The following DENND2A variants were observed in gnomAD, a reference collection of about 807,000 sequenced individuals.
The protein encoded by DENND2A is DENN domain containing 2A.
DENND2A carries 53 observed loss-of-function variants against 105.3 expected under a neutral mutation model. That is an observed-to-expected ratio of 0.50 (90% confidence interval 0.40 to 0.63). The LOEUF (loss-of-function observed/expected upper bound fraction) is 0.63, where lower values mean the gene tolerates loss of function less well. Among genes scored for constraint, DENND2A ranks in the 30% least tolerant of loss-of-function variants. The pLI is 0.00. For synonymous variants in DENND2A, 522 were observed against 508.4 expected, an observed-to-expected ratio of 1.03 and a Z score of -0.36; for missense variants, 1,138 against 1,279.6, an observed-to-expected ratio of 0.89 and a Z score of 1.69.
chr7:140,585,498 C>A, intron 5 of DENND2A, 91 bp downstream of exon 5: 1 of 1,568,608 alleles, frequency 6.4e-7, no homozygotes, highest in South Asian at 1.2e-5. Flanking sequence ...TGGAGGTGGC[C>A]TGGAATTCCA....
chr7:140,613,683 CA>C (rs1233692664), intron 1 of DENND2A, among the ~76,000 whole-genome samples: 2 of 72,880 alleles, frequency 2.7e-5, no homozygotes, highest in Admixed American at 1.3e-4. Context: ...AAAAAAAAAA[CA>C]AACAAAAAAC....
At chr7:140,577,542 C>A (rs1031717278) in intron 5 of DENND2A, among the ~76,000 whole-genome samples, 3 of 151,876 alleles carry the variant, frequency 2.0e-5, no homozygotes, top group Admixed American at 1.3e-4. Context: ...GGATTACAGG[C>A]GAGTGCCACC....
At chr7:140,617,242 G>C (rs1051873133) in intron 1 of DENND2A, among the ~76,000 whole-genome samples, 1 of 152,354 alleles carries the variant, frequency 6.6e-6, no homozygotes, top group Non-Finnish European at 1.5e-5. Flanking sequence ...CACAAAGTGC[G>C]TGCACCTTTT....
At chr7:140,552,761 A>G (rs1797190236) in intron 12 of DENND2A, among the ~76,000 whole-genome samples, 1 of 152,100 alleles carries the variant, frequency 6.6e-6, no homozygotes, top group African/African-American at 2.4e-5. Flanking sequence ...GCTGGAGTGC[A>G]GTGATACGAT....
intron 1 of DENND2A, among the ~76,000 whole-genome samples, chr7:140,629,079 C>T (rs539297920): frequency 3.5e-4 from 53 of 152,242 alleles, no homozygotes; most frequent in African/African-American, 1.2e-3. Context: ...ATGCCTGACA[C>T]GCCCTTAAAC....
intron 14 of DENND2A, among the ~76,000 whole-genome samples, chr7:140,537,642 A>T (rs1585575786): frequency 6.6e-6 from 1 of 151,198 alleles, no homozygotes; most frequent in Middle Eastern, 3.4e-3. Flanking sequence ...TTTGTCCCCT[A>T]TTAAGGTGTT....
intron 3 of DENND2A, among the ~76,000 whole-genome samples, chr7:140,591,694 C>CT (rs1799033050): frequency 1.1e-5 from 1 of 94,394 alleles, no homozygotes; most frequent in African/African-American, 5.7e-5. Context: ...TCTTTCTTTC[C>CT]TTCCTTCCTT....
intron 3 of DENND2A, among the ~76,000 whole-genome samples, chr7:140,592,043 CT>C (rs541459225): frequency 0.022 from 2,382 of 107,318 alleles, 58 homozygotes; most frequent in African/African-American, 0.054. Context: ...TTTTCTTCTT[CT>C]TTTTTTTTTT....
Position 140,518,711 on chromosome 7 carries a change from T to C in DENND2A, c.3026A>G (p.Lys1009Arg). 6.2e-7 allele frequency: 1 copy of C among 1,613,728 alleles called. No homozygotes were observed. Among genetic ancestry groups the C allele is most frequent in the Non-Finnish European group, 8.5e-7 (1 of 1,179,632 alleles). Residue 1009 changes from lysine (K) to arginine (R), a missense_variant, in exon 20 of 20, where the codon AAA becomes AGA. Lys to Arg is a conservative substitution (Grantham distance 26). Transcript: ENST00000496613. ...LGNKMKFLHK[K>R] Reference sequence around the variant, plus strand: ...GTTTTCCCTTGAGGCTGAGAGTTATTTCTTGTGGAGAAATTTCATTTTATT... The same window carrying C: ...GTTTTCCCTTGAGGCTGAGAGTTATCTCTTGTGGAGAAATTTCATTTTATT...
At chr7:140,592,533 C>T (rs1238549388) in intron 3 of DENND2A, among the ~76,000 whole-genome samples, 1 of 151,268 alleles carries the variant, frequency 6.6e-6, no homozygotes, top group Admixed American at 6.6e-5. Flanking sequence ...TTAGTAGAGA[C>T]AGGGTTTTGC....
At chr7:140,606,780 G>A (rs1412039382) in intron 1 of DENND2A, among the ~76,000 whole-genome samples, 3 of 152,148 alleles carry the variant, frequency 2.0e-5, no homozygotes, top group African/African-American at 7.2e-5. Flanking sequence ...GGCCTGTGTG[G>A]ATACCAAGGC....
At position 140,528,285 on chromosome 7, in the gene DENND2A, C is replaced by T. The variant is rs373489944; in HGVS notation, c.2328-790G>A. Among the ~76,000 whole-genome samples the T allele has an allele frequency of 3.3e-5, 5 of 152,186 alleles. No individual in the cohort carries two copies. The East Asian group carries it at 9.6e-4, about 29-fold the overall frequency. On this transcript the variant is annotated intron_variant, in intron 14 of 19. Transcript: ENST00000496613. ...GATCTGAAGATGCTTTCTATTGAAA[C>T]ACTGTAGCTTTTGCTTTGTTCTGTT...
chr7:140,532,930 T>C (rs1322473336), intron 14 of DENND2A, among the ~76,000 whole-genome samples: 1 of 150,048 alleles, frequency 6.7e-6, no homozygotes, highest in Non-Finnish European at 1.5e-5. Context: ...ATCATTGCAA[T>C]AGAAAAACAA....
chr7:140,539,472 G>A (rs902171665), intron 14 of DENND2A, among the ~76,000 whole-genome samples: 1 of 152,186 alleles, frequency 6.6e-6, no homozygotes, highest in Non-Finnish European at 1.5e-5. Flanking sequence ...CTGAGGGCCT[G>A]TGCTAGGGAG....
intron 12 of DENND2A, among the ~76,000 whole-genome samples, chr7:140,553,650 C>T (rs908618543): frequency 1.3e-5 from 2 of 152,172 alleles, no homozygotes; most frequent in African/African-American, 2.4e-5. Context: ...TGCGGCCTTC[C>T]GCAGTGTTTG....
intron 3 of DENND2A, among the ~76,000 whole-genome samples, chr7:140,593,991 T>A (rs1799174258): frequency 6.6e-6 from 1 of 151,980 alleles, no homozygotes; most frequent in Admixed American, 6.6e-5. Flanking sequence ...CTGCAACCTC[T>A]GCCTCCTGGA....
At chr7:140,639,556 G>A (rs953081177) in intron 1 of DENND2A, among the ~76,000 whole-genome samples, 2 of 152,076 alleles carry the variant, frequency 1.3e-5, no homozygotes, top group Non-Finnish European at 2.9e-5. Flanking sequence ...GATATTTGAT[G>A]ATGTAAGGAG....
rs571342149 is a variant in DENND2A at position 140,592,238 on chromosome 7, G to A, written c.996-4458C>T. Among the ~76,000 whole-genome samples the A allele has an allele frequency of 5.8e-3, 854 of 146,512 alleles. 6 individuals carry two copies. The highest frequency in any genetic ancestry group is 0.02 in the African/African-American group (788 of 39,280). On this transcript the variant is annotated intron_variant, in intron 3 of 19. Transcript: ENST00000496613. ...TTTTTTTTTTTTGAGACGGAGTCTCGCTCTGTCGCCCAGACTGGAGTGCAG... is the reference window on the plus strand; with the variant it reads ...TTTTTTTTTTTTGAGACGGAGTCTCACTCTGTCGCCCAGACTGGAGTGCAG...
chr7:140,530,059 C>CA lies in DENND2A; in HGVS notation c.2328-2565dup, dbSNP rs3042405. Among the ~76,000 whole-genome samples the CA allele has an allele frequency of 6.9e-3, 844 of 122,364 alleles. 8 individuals are homozygous for CA. The highest frequency in any genetic ancestry group is 0.015 in the South Asian group (56 of 3,730). 80.3% of individuals were successfully genotyped at this position (122,364 alleles called of 152,430 possible). The stretch of plus-strand genomic sequence containing the variant: ...GGCAACATGGTGGGGCCCTGTTTCT[C>CA]AAAAAAAAAAAAAAAATAGCCTTTG... On this transcript the variant is annotated intron_variant, in intron 14 of 19. Coordinates refer to ENST00000496613, the MANE Select transcript of DENND2A (RefSeq NM_015689.5).
Sources: gnomAD v4.1 joint callset for allele counts (sites outside exome capture counted in the v4.1 genomes callset) on GRCh38, gnomAD v4.1.1 for gene constraint, MANE v1.5 for transcripts, NCBI Gene and HGNC (gene_info 2026-07-23, HGNC 2026-07-21) for gene names.